AXIN2: variants seen among roughly 807,000 people sequenced by gnomAD.
The protein encoded by AXIN2 is axin 2, also known as axin-2.
Under a neutral mutation model 74.7 loss-of-function variants are expected in AXIN2, and 21 were observed. The ratio of observed to expected loss-of-function variants is 0.28; its 90% CI spans 0.20 to 0.40. The LOEUF is 0.40. AXIN2 is among the 10% of genes least tolerant of loss of function. The pLI, the probability that AXIN2 is intolerant of heterozygous loss-of-function variation, is 1.00. For missense variants in AXIN2, 1,144 were observed against 1,111.1 expected, an observed-to-expected ratio of 1.03 and a Z score of -0.42; for synonymous variants, 532 against 454.9, an observed-to-expected ratio of 1.17 and a Z score of -2.16.
chr17:65,536,439 G>C lies in AXIN2; in HGVS notation c.2022C>G (p.Pro674=), dbSNP rs556551269. The C allele has an allele frequency of 1.2e-6, 2 of 1,601,504 alleles. No individual in the cohort carries two copies. The highest frequency in any genetic ancestry group is 3.1e-5 in the African/African-American group (2 of 64,476). Residue 674 remains proline (P), a synonymous_variant, in exon 8 of 11, where the codon CCC becomes CCG. Transcript: ENST00000307078. ...GGTCCTGGGTGAACAGGTGGGCACG[G>C]GGGGTGGTGCGGGGGTGCCCGCTGT... ...GGNSGHPRTT[P]RAHLFTQDPA... is the part of the protein sequence containing the mutation.
chr17:65,531,356 G>C (rs1264701202), intron 10 of AXIN2, among the ~76,000 whole-genome samples: 1 of 151,994 alleles, frequency 6.6e-6, no homozygotes, highest in African/African-American at 2.4e-5. Flanking sequence ...TAATGCAGTG[G>C]GGTGAACAAC....
intron 3 of AXIN2, among the ~76,000 whole-genome samples, chr17:65,549,159 G>A (rs2044156560): frequency 6.6e-6 from 1 of 152,114 alleles, no homozygotes; most frequent in South Asian, 2.1e-4. Context: ...TGGGTTTCTG[G>A]ACCAGCCAAG....
At chr17:65,538,416 C>T in intron 4 of AXIN2, 73 bp from the exon 5 acceptor site, 2 of 1,596,584 alleles carry the variant, frequency 1.3e-6, no homozygotes, top group East Asian at 4.5e-5. Context: ...GCCGGAGCTT[C>T]CCGCACCAGG....
At chr17:65,541,253 A>G (rs2144498233) in intron 4 of AXIN2, among the ~76,000 whole-genome samples, 1 of 152,258 alleles carries the variant, frequency 6.6e-6, no homozygotes, top group Admixed American at 6.5e-5. Context: ...CCTCATAATC[A>G]CATCACTGTG....
rs866813817 is a variant in AXIN2 at position 65,537,744 on chromosome 17, T to C, written c.1292A>G (p.Tyr431Cys). Residue 431 changes from tyrosine (Y) to cysteine (C), a missense_variant, in exon 6 of 11, where the codon TAC (tyrosine) becomes TGC (cysteine). Tyr to Cys is a radical substitution (Grantham distance 194). Transcript: ENST00000307078. ...CAGTATCGTCTGCGGGTCTTCCTCG[T>C]AGCTGCCGGAGGGCAGTAGGGAGAG... The part of the protein sequence containing the change: ...HPLSLLPSGS[Y>C]EEDPQTILDD... 3.8e-6 allele frequency: 6 copies of C among 1,571,336 alleles called. No homozygotes were observed. The highest frequency in any genetic ancestry group is 2.4e-5 in the East Asian group (1 of 42,484).
chr17:65,529,444 T>C lies in AXIN2; in HGVS notation c.*532A>G, dbSNP rs1487684802. ...CAGTCTGTCTTCACTTGGAGGGACG[T>C]AGTGCAAAGCATAATTCCTCTGTTA... On this transcript the variant is annotated 3_prime_UTR_variant, in exon 11 of 11. Transcript: ENST00000307078. 1.5e-5 allele frequency: 4 copies of C among 264,896 alleles called. No homozygotes were observed. The highest frequency in any genetic ancestry group is 2.2e-5 in the African/African-American group (1 of 45,766). The allele number at this position is 264,896 out of a possible 1,614,324, so 16.4% of individuals were successfully genotyped here. A position where few individuals can be genotyped will look rare whatever the true frequency, so the allele number is the denominator to read the frequency against.
At chr17:65,536,296 C>A in intron 8 of AXIN2, 24 bp downstream of exon 8, 1 of 1,587,404 alleles carries the variant, frequency 6.3e-7, no homozygotes, top group Non-Finnish European at 8.6e-7. Flanking sequence ...CTGCCTCAAC[C>A]TAGGACCCTT....
chr17:65,546,519 C>A (rs2044121508), intron 3 of AXIN2, among the ~76,000 whole-genome samples: 1 of 152,188 alleles, frequency 6.6e-6, no homozygotes, highest in Non-Finnish European at 1.5e-5. Flanking sequence ...GCCTGGCACC[C>A]AATGGCAGCT....
At chr17:65,557,198 C>T (rs2044279227) in intron 2 of AXIN2, among the ~76,000 whole-genome samples, 1 of 151,990 alleles carries the variant, frequency 6.6e-6, no homozygotes, top group Admixed American at 6.6e-5. Context: ...GGTAAGGGTC[C>T]TTCATTTGGG....
rs372987093 is a variant in AXIN2, at chr17:65,537,745, A to T, written c.1291T>A (p.Tyr431Asn). 1.0e-5 allele frequency: 16 copies of T among 1,571,994 alleles called. No homozygotes were observed. Among genetic ancestry groups the T allele is most frequent in the Non-Finnish European group, 1.4e-5 (16 of 1,158,478 alleles). Residue 431 changes from tyrosine (Y) to asparagine (N), a missense_variant, in exon 6 of 11, where the codon TAC becomes AAC. By Grantham distance (143) the Tyr-to-Asn change is moderately radical (BLOSUM62 -2). Transcript: ENST00000307078. ...HPLSLLPSGS[Y>N]EEDPQTILDD... Reference sequence around the variant, plus strand: ...AGTATCGTCTGCGGGTCTTCCTCGTAGCTGCCGGAGGGCAGTAGGGAGAGG... The same window carrying T: ...AGTATCGTCTGCGGGTCTTCCTCGTTGCTGCCGGAGGGCAGTAGGGAGAGG...
In AXIN2 at chr17:65,558,334, C is replaced by T; in HGVS notation, c.287G>A (p.Arg96Gln). 6.2e-7 allele frequency: 1 copy of T among 1,614,182 alleles called. No homozygotes were observed. The highest frequency in any genetic ancestry group is 1.1e-5 in the South Asian group (1 of 91,078). Residue 96 changes from arginine (R) to glutamine (Q), a missense_variant, in exon 2 of 11, where the codon CGA (arginine) becomes CAA (glutamine). Arg to Gln is a conservative substitution (Grantham distance 43). Around this residue, in one of 4 missense-constraint regions of AXIN2, gnomAD observed 1,053 missense variants for 973.5 expected, o/e 1.08. Transcript: ENST00000307078. ...LGDQDGAYLFRTFLEREKCVD... is the reference protein window; with the variant it reads ...LGDQDGAYLFQTFLEREKCVD... ...GCATTTCTCCCTCTCCAGGAAAGTT[C>T]GGAACAGGTAAGCACCGTCTTGATC...
chr17:65,533,446 G>A (rs1227410041), intron 10 of AXIN2, among the ~76,000 whole-genome samples: 2 of 152,216 alleles, frequency 1.3e-5, no homozygotes, highest in Non-Finnish European at 2.9e-5. Context: ...ACTATTTGGA[G>A]CCTTCAATGT....
rs554818406 is a variant in AXIN2, at chr17:65,534,099, G to A, written c.2238-20C>T. 4 of 1,614,062 alleles carry A rather than the reference G, an allele frequency of 2.5e-6. No homozygotes were observed. The highest frequency in any genetic ancestry group is 1.7e-4 in the Middle Eastern group (1 of 6,060). ...TTGTGACTGAAAATAAGATGGAATG[G>A]AACAAGTTTAGCATTTTAAAGCAGA... On this transcript the variant is annotated intron_variant, in intron 9 of 10. Transcript: ENST00000307078.
At chr17:65,537,234 C>T in intron 6 of AXIN2, 90 bp downstream of exon 6, 3 of 1,588,700 alleles carry the variant, frequency 1.9e-6, no homozygotes, top group South Asian at 1.1e-5. Flanking sequence ...AAACTAAATG[C>T]CTGTAATGCG....
chr17:65,549,099 C>G (rs900622815), intron 3 of AXIN2, among the ~76,000 whole-genome samples: 6 of 152,208 alleles, frequency 3.9e-5, no homozygotes, highest in Admixed American at 2.6e-4. Context: ...AACACAGACC[C>G]TTCTAATGCC....
rs1160324143 is a variant in AXIN2, at chr17:65,558,138, G to C, written c.483C>G (p.Ile161Met). 6.2e-7 allele frequency: 1 copy of C among 1,614,072 alleles called. No homozygotes were observed. Among genetic ancestry groups the C allele is most frequent in the Non-Finnish European group, 8.5e-7 (1 of 1,180,032 alleles). ...TGATGGAATCAATCTGCTGCTTCTTGATGCCATCTCTTATGTAGGTCTTGG... is the reference window on the plus strand; with the variant it reads ...TGATGGAATCAATCTGCTGCTTCTTCATGCCATCTCTTATGTAGGTCTTGG... Reference protein sequence around the residue: ...PATKTYIRDGIKKQQIDSIMF... With the variant: ...PATKTYIRDGMKKQQIDSIMF... The change falls in exon 2 of 11, where the codon ATC becomes ATG. Residue 161 changes from isoleucine (I) to methionine (M), a missense_variant. By Grantham distance (10) the Ile-to-Met change is conservative. Around this residue, in one of 4 missense-constraint regions of AXIN2, gnomAD observed 1,053 missense variants for 973.5 expected, o/e 1.08. Transcript: ENST00000307078.
At position 65,537,430 on chromosome 17, in the gene AXIN2, T is replaced by A. The variant is rs1373860602; in HGVS notation, c.1606A>T (p.Thr536Ser). 6.2e-7 allele frequency: 1 copy of A among 1,614,014 alleles called. No individual in the cohort carries two copies. The highest frequency in any genetic ancestry group is 1.7e-5 in the Admixed American group (1 of 60,024). ...KTKEEIEAEA[T>S]QRVHCFCPGG... ...GGGCAGAAGCAGTGCACCCGCTGCGTGGCCTCCGCCTCGATCTCCTCCTTG... is the reference window on the plus strand; with the variant it reads ...GGGCAGAAGCAGTGCACCCGCTGCGAGGCCTCCGCCTCGATCTCCTCCTTG... Residue 536 changes from threonine to serine, a missense_variant, in exon 6 of 11, where the codon ACG becomes TCG. By Grantham distance (58) the Thr-to-Ser change is moderately conservative. This residue lies in a region of AXIN2 where 1,053 missense variants were observed against 973.5 expected (regional missense o/e 1.08). Transcript: ENST00000307078.
At chr17:65,542,425 A>G (rs1351142087) in intron 3 of AXIN2, among the ~76,000 whole-genome samples, 1 of 152,246 alleles carries the variant, frequency 6.6e-6, no homozygotes, top group African/African-American at 2.4e-5. Flanking sequence ...ATAGTATGTT[A>G]GTGATATGTA....
At chr17:65,556,402 C>T (rs1216533587) in intron 2 of AXIN2, among the ~76,000 whole-genome samples, 1 of 152,190 alleles carries the variant, frequency 6.6e-6, no homozygotes, top group Non-Finnish European at 1.5e-5. Flanking sequence ...CGGCGACTGA[C>T]CTACTGCAGA....
Sources: allele counts gnomAD v4.1 joint callset (sites outside exome capture counted in the v4.1 genomes callset), GRCh38; gene constraint gnomAD v4.1.1; regional missense constraint gnomAD v4.1.1; transcripts MANE v1.5; gene names NCBI Gene and HGNC (gene_info 2026-07-23, HGNC 2026-07-21).